EFCAB11: variants seen among roughly 807,000 people sequenced by gnomAD.
EFCAB11 encodes EF-hand calcium binding domain 11.
Under a neutral mutation model 23.0 loss-of-function variants are expected in EFCAB11, and 14 were observed. The observed-to-expected ratio is 0.61, with a 90% confidence interval of 0.40 to 0.95. EFCAB11 has a LOEUF of 0.95. Among genes scored for constraint, EFCAB11 ranks in the 40% least tolerant of loss-of-function variants. The probability of loss-of-function intolerance (pLI) is 0.00; values close to 1 mark genes in which losing one functional copy is unlikely to be tolerated. For synonymous variants in EFCAB11, 65 were observed against 66.6 expected, an observed-to-expected ratio of 0.98 and a Z score of 0.11; for missense variants, 198 against 195.8, an observed-to-expected ratio of 1.01 and a Z score of -0.07.
At chr14:89,917,774 C>A (rs539558716) in intron 5 of EFCAB11, among the ~76,000 whole-genome samples, 1 of 152,190 alleles carries the variant, frequency 6.6e-6, no homozygotes, top group Non-Finnish European at 1.5e-5. Context: ...ATAATAATTG[C>A]GAATTAGTTG....
At chr14:89,845,247 G>A (rs1401719173) in intron 5 of EFCAB11, among the ~76,000 whole-genome samples, 2 of 151,858 alleles carry the variant, frequency 1.3e-5, no homozygotes, top group African/African-American at 2.4e-5. Context: ...CCAAGTAAAC[G>A]GATCATTTAA....
intron 3 of EFCAB11, among the ~76,000 whole-genome samples, chr14:89,942,831 C>G (rs527281894): frequency 6.6e-6 from 1 of 152,332 alleles, no homozygotes; most frequent in Non-Finnish European, 1.5e-5. Flanking sequence ...CTTATTTCTA[C>G]TAGCTTTGAC....
intron 5 of EFCAB11, among the ~76,000 whole-genome samples, chr14:89,877,294 T>C (rs1446887816): frequency 1.3e-5 from 2 of 152,088 alleles, no homozygotes; most frequent in Non-Finnish European, 2.9e-5. Context: ...CGCCTCGGCC[T>C]CCCAAAGTGC....
chr14:89,834,883 T>C (rs1007314516), intron 5 of EFCAB11, among the ~76,000 whole-genome samples: 1 of 152,150 alleles, frequency 6.6e-6, no homozygotes, highest in African/African-American at 2.4e-5. Flanking sequence ...AAAGCTATGG[T>C]GGAAGGATTT....
chr14:89,813,776 G>C (rs1886231963), intron 5 of EFCAB11, among the ~76,000 whole-genome samples: 1 of 152,052 alleles, frequency 6.6e-6, no homozygotes, highest in Non-Finnish European at 1.5e-5. Flanking sequence ...AAATCATTTT[G>C]TGAGTGATGG....
At chr14:89,885,351 T>C (rs894112686) in intron 5 of EFCAB11, among the ~76,000 whole-genome samples, 15 of 152,164 alleles carry the variant, frequency 9.9e-5, no homozygotes, top group African/African-American at 2.9e-4. Context: ...TCTCCCCAAA[T>C]TGATCTAGTC....
At chr14:89,827,402 G>A (rs897516854) in intron 5 of EFCAB11, among the ~76,000 whole-genome samples, 2 of 152,144 alleles carry the variant, frequency 1.3e-5, no homozygotes, top group African/African-American at 4.8e-5. Flanking sequence ...AAGAGGACAG[G>A]AAGGAACACT....
Position 89,797,267 on chromosome 14 carries a change from C to G in EFCAB11, c.468G>C (p.Leu156=). ...HVSFRDFEYA[L]NYGQKEA ...GTTAGGCTTCCTTCTGTCCATAGTT[C>G]AGGGCATATTCAAAGTCTCTAAAGC... The change falls in exon 6 of 6, where the codon CTG becomes CTC. Residue 156 remains leucine, a synonymous_variant. Coordinates refer to ENST00000316738, the MANE Select transcript of EFCAB11 (RefSeq NM_145231.4). 6.2e-7 allele frequency: 1 copy of G among 1,613,324 alleles called. No individual in the cohort carries two copies. The highest frequency in any genetic ancestry group is 8.5e-7 in the Non-Finnish European group (1 of 1,179,770).
intron 5 of EFCAB11, among the ~76,000 whole-genome samples, chr14:89,919,217 AGAG>A (rs1291304977): frequency 6.6e-6 from 1 of 151,978 alleles, no homozygotes; most frequent in African/African-American, 2.4e-5. Context: ...AGAGAGAGAG[AGAG>A]AGAGAGAAAC....
chr14:89,832,958 C>T (rs1020450978), intron 5 of EFCAB11: 6 of 152,174 alleles, frequency 3.9e-5, no homozygotes, highest in African/African-American at 1.4e-4. Flanking sequence ...AGAGCATTAA[C>T]AGAATTTTCC....
Position 89,924,374 on chromosome 14 carries a change from C to T in EFCAB11, c.410+7167G>A, listed in dbSNP as rs1057424258. 1.9e-4 allele frequency: 223 copies of T among 1,173,998 alleles called. 1 individual carries two copies. The highest frequency in any genetic ancestry group is 2.2e-4 in the Non-Finnish European group (209 of 946,730). 72.7% of individuals were successfully genotyped at this position (1,173,998 alleles called of 1,614,324 possible). On this transcript the variant is annotated intron_variant, in intron 5 of 5. Coordinates refer to ENST00000316738, the MANE Select transcript of EFCAB11 (RefSeq NM_145231.4). ...CATCATGTGGCAATCTGCCTGTGCA[C>T]TCAGGATCTTGGACGCTGGGTCAGG...
At chr14:89,835,917 T>C (rs750204951) in intron 5 of EFCAB11, among the ~76,000 whole-genome samples, 3 of 152,118 alleles carry the variant, frequency 2.0e-5, no homozygotes, top group Non-Finnish European at 1.5e-5. Flanking sequence ...CGTGAGCCAC[T>C]GCACCTGGCC....
At chr14:89,840,751 C>T (rs761366436) in intron 5 of EFCAB11, among the ~76,000 whole-genome samples, 3 of 151,892 alleles carry the variant, frequency 2.0e-5, no homozygotes, top group East Asian at 3.9e-4. Context: ...TTAATGGCAG[C>T]GGCGTAACTG....
At chr14:89,891,692 C>T (rs562867445) in intron 5 of EFCAB11, among the ~76,000 whole-genome samples, 52 of 152,126 alleles carry the variant, frequency 3.4e-4, no homozygotes, top group Non-Finnish European at 6.0e-4. Context: ...CACAAACACA[C>T]ACACACACAC....
intron 5 of EFCAB11, among the ~76,000 whole-genome samples, chr14:89,879,832 C>A (rs189211198): frequency 3.3e-5 from 5 of 152,164 alleles, no homozygotes; most frequent in Admixed American, 6.5e-5. Context: ...TATAAGCCTG[C>A]ATTTTCTAAT....
intron 5 of EFCAB11, among the ~76,000 whole-genome samples, chr14:89,839,807 G>C (rs568339608): frequency 6.6e-5 from 10 of 151,310 alleles, no homozygotes; most frequent in African/African-American, 2.2e-4. Context: ...AGAGAGGAAG[G>C]GGGGAGGTGC....
intron 5 of EFCAB11, among the ~76,000 whole-genome samples, chr14:89,921,063 T>TA (rs199585363): frequency 5.1e-4 from 57 of 111,492 alleles, no homozygotes; most frequent in East Asian, 6.6e-4. Context: ...AGACTCTGTC[T>TA]AAAAAAAAAA....
At chr14:89,941,857 A>T (rs1196731177) in intron 3 of EFCAB11, among the ~76,000 whole-genome samples, 2 of 152,048 alleles carry the variant, frequency 1.3e-5, no homozygotes, top group African/African-American at 4.8e-5. Context: ...ATCTAAAATG[A>T]TAAATAAAAT....
At chr14:89,823,218 G>A (rs1411234546) in intron 5 of EFCAB11, among the ~76,000 whole-genome samples, 1 of 152,182 alleles carries the variant, frequency 6.6e-6, no homozygotes, top group Non-Finnish European at 1.5e-5. Flanking sequence ...AGGATCACAT[G>A]AAAAGGAATA....
Sources: gnomAD v4.1 joint callset for allele counts (sites outside exome capture counted in the v4.1 genomes callset) on GRCh38, gnomAD v4.1.1 for gene constraint, MANE v1.5 for transcripts, NCBI Gene and HGNC (gene_info 2026-07-23, HGNC 2026-07-21) for gene names.